The following GRID2 variants were observed in gnomAD, a reference collection of about 807,000 sequenced individuals.
GRID2 encodes the protein glutamate receptor ionotropic, delta-2.
GRID2 carries 33 observed loss-of-function variants against 114.8 expected under a neutral mutation model. The ratio of observed to expected loss-of-function variants is 0.29; its 90% CI spans 0.22 to 0.38. The LOEUF is 0.38. Among genes scored for constraint, GRID2 ranks in the 10% least tolerant of loss-of-function variants. The pLI is 1.00. For synonymous variants in GRID2, 505 were observed against 449.9 expected (o/e 1.12, Z -1.55); for missense variants, 1,184 against 1,257.7 (o/e 0.94, Z 0.89).
At chr4:93,366,926 AAT>A (rs1017037549) in intron 8 of GRID2, among the ~76,000 whole-genome samples, 5 of 151,166 alleles carry the variant, frequency 3.3e-5, no homozygotes, top group Non-Finnish European at 4.4e-5. Context: ...ATGGTTGATA[AAT>A]ATATATATAT....
chr4:93,284,387 G>A (rs2149132463), intron 8 of GRID2, among the ~76,000 whole-genome samples: 1 of 152,068 alleles, frequency 6.6e-6, no homozygotes, highest in African/African-American at 2.4e-5. Context: ...GAAAGGATCA[G>A]GAAAAACAAC....
At position 92,882,537 on chromosome 4, in the gene GRID2, G is replaced by T. The variant is rs140704594; in HGVS notation, c.245-202458G>T. ...ATTTCAAATGCCTAGAACTATATTA[G>T]GGGTTTTCAGTTAGAAAAACACTCT... is the stretch of plus-strand genomic sequence containing the variant. On this transcript the variant is annotated intron_variant, in intron 2 of 15. Coordinates refer to ENST00000282020, the MANE Select transcript of GRID2 (RefSeq NM_001510.4). 2.4e-4 allele frequency among the ~76,000 whole-genome samples: 37 copies of T among 151,760 alleles called. No homozygotes were observed. The East Asian group carries it at 6.8e-3, about 28-fold the overall frequency.
At chr4:93,792,347 T>C (rs946295705) in intron 1 of GRID2, among the ~76,000 whole-genome samples, 1 of 152,096 alleles carries the variant, frequency 6.6e-6, no homozygotes, top group African/African-American at 2.4e-5. Flanking sequence ...GTACCTTTAA[T>C]TCTCCCCCAC....
At chr4:93,164,154 G>GT (rs1410534943) in intron 4 of GRID2, among the ~76,000 whole-genome samples, 1 of 151,462 alleles carries the variant, frequency 6.6e-6, no homozygotes, top group Non-Finnish European at 1.5e-5. Flanking sequence ...ACCAAGCCCG[G>GT]GGGGGGAAAA....
intron 2 of GRID2, among the ~76,000 whole-genome samples, chr4:93,003,533 T>A (rs1009110525): frequency 3.9e-5 from 6 of 151,964 alleles, no homozygotes; most frequent in African/African-American, 1.4e-4. Flanking sequence ...TGGGAATAAT[T>A]TACATACATT....
At chr4:92,316,722 G>A (rs1726002367) in intron 1 of GRID2, among the ~76,000 whole-genome samples, 1 of 151,882 alleles carries the variant, frequency 6.6e-6, no homozygotes. Flanking sequence ...ACTGGAGATT[G>A]TGATAATTCA....
intron 2 of GRID2, among the ~76,000 whole-genome samples, chr4:92,939,006 A>C (rs968781399): frequency 1.4e-5 from 2 of 146,730 alleles, no homozygotes; most frequent in African/African-American, 4.9e-5. Flanking sequence ...GCTATTGTGA[A>C]TAGTGCCGCA....
At chr4:93,314,414 A>T (rs558948328) in intron 8 of GRID2, among the ~76,000 whole-genome samples, 3 of 151,978 alleles carry the variant, frequency 2.0e-5, no homozygotes, top group Non-Finnish European at 2.9e-5. Context: ...CCCTTTCACA[A>T]TGAATTTCCT....
At chr4:93,057,996 A>G (rs914249633) in intron 2 of GRID2, among the ~76,000 whole-genome samples, 1 of 148,838 alleles carries the variant, frequency 6.7e-6, no homozygotes, top group African/African-American at 2.5e-5. Flanking sequence ...TTCAGACTTT[A>G]CTGACTTTTT....
intron 4 of GRID2, among the ~76,000 whole-genome samples, chr4:93,113,454 G>C (rs1458097906): frequency 6.6e-6 from 1 of 152,142 alleles, no homozygotes; most frequent in East Asian, 1.9e-4. Context: ...CATGACTGGA[G>C]ACCAGGAAAA....
chr4:93,384,093 G>T (rs1267048552), intron 8 of GRID2, among the ~76,000 whole-genome samples: 1 of 152,148 alleles, frequency 6.6e-6, no homozygotes, highest in Non-Finnish European at 1.5e-5. Context: ...CTGCTTCGTA[G>T]ACGGCACATC....
At chr4:93,127,588 G>A (rs564253098) in intron 4 of GRID2, among the ~76,000 whole-genome samples, 2 of 152,154 alleles carry the variant, frequency 1.3e-5, no homozygotes, top group African/African-American at 2.4e-5. Flanking sequence ...TAAACCTAGG[G>A]GATAGATGCA....
chr4:93,790,994 G>A (rs1168794420), intron 1 of GRID2, among the ~76,000 whole-genome samples: 3 of 152,128 alleles, frequency 2.0e-5, no homozygotes, highest in East Asian at 1.9e-4. Flanking sequence ...GTGTTCTACC[G>A]TTATTATTCT....
chr4:92,314,802 C>G (rs1725882482), intron 1 of GRID2, among the ~76,000 whole-genome samples: 1 of 152,060 alleles, frequency 6.6e-6, no homozygotes, highest in Non-Finnish European at 1.5e-5. Flanking sequence ...ATTCTGAAAA[C>G]CAAAACACTT....
chr4:92,434,707 A>G (rs958984522), intron 1 of GRID2, among the ~76,000 whole-genome samples: 11 of 152,124 alleles, frequency 7.2e-5, no homozygotes, highest in African/African-American at 2.2e-4. Flanking sequence ...TTGAAAAATG[A>G]ATAGCAAATT....
At chr4:92,476,023 CTTT>C (rs752757998) in intron 1 of GRID2, among the ~76,000 whole-genome samples, 1 of 125,084 alleles carries the variant, frequency 8.0e-6, no homozygotes. Context: ...TTCAGTGCTT[CTTT>C]TTTTTTTTTT....
intron 13 of GRID2, among the ~76,000 whole-genome samples, chr4:93,523,802 A>G (rs1238189202): frequency 1.3e-5 from 2 of 152,150 alleles, no homozygotes; most frequent in Non-Finnish European, 2.9e-5. Context: ...GCTGGGAAAG[A>G]TAGCAGCTGA....
chr4:93,615,956 TC>T (rs1741595304), intron 13 of GRID2, among the ~76,000 whole-genome samples: 1 of 152,212 alleles, frequency 6.6e-6, no homozygotes, highest in South Asian at 2.1e-4. Flanking sequence ...TCAATGTATT[TC>T]CAAATTAGAG....
intron 2 of GRID2, among the ~76,000 whole-genome samples, chr4:92,977,387 AAG>A (rs1303927665): frequency 1.3e-5 from 2 of 152,202 alleles, no homozygotes; most frequent in East Asian, 3.9e-4. Flanking sequence ...AAGGTTAAGA[AAG>A]AACATGGGGA....
Sources: gnomAD v4.1 joint callset for allele counts (sites outside exome capture counted in the v4.1 genomes callset) on GRCh38, gnomAD v4.1.1 for gene constraint, MANE v1.5 for transcripts, NCBI Gene and HGNC (gene_info 2026-07-23, HGNC 2026-07-21) for gene names.